ANKS1B: variants seen among roughly 807,000 people sequenced by gnomAD.
The protein encoded by ANKS1B is ankyrin repeat and sterile alpha motif domain containing 1B, also known as ankyrin repeat and sterile alpha motif domain-containing protein 1B.
ANKS1B carries 36 observed loss-of-function variants against 148.3 expected under a neutral mutation model. That is an observed-to-expected ratio of 0.24 (90% CI 0.19 to 0.32). The LOEUF is 0.32. Ranked by LOEUF, ANKS1B falls within the 10% of genes least tolerant of loss-of-function variation. The pLI is 1.00. For synonymous variants in ANKS1B, 542 were observed against 560.8 expected (o/e 0.97, Z 0.47); for missense variants, 1,157 against 1,542.6 (o/e 0.75, Z 4.19).
rs532605694 is a variant in ANKS1B, at chr12:98,751,034, C to T, written c.3747+321G>A. Among the ~76,000 whole-genome samples the T allele has an allele frequency of 6.6e-6, 1 of 152,294 alleles. No homozygotes were observed. The highest frequency in any genetic ancestry group is 2.4e-5 in the African/African-American group (1 of 41,570). On this transcript the variant is annotated intron_variant, in intron 26 of 26. Transcript: ENST00000683438. The surrounding 1 kb of genome is among the most constrained non-coding windows in gnomAD (Gnocchi z 4.3). ...GGATGGCAGCTGAAGCCCCAGGGAA[C>T]ACTGCTCCCAAGCTTTCCTGAATCT... is the stretch of plus-strand genomic sequence containing the variant.
chr12:98,929,095 C>T (rs992894081), intron 17 of ANKS1B, among the ~76,000 whole-genome samples: 1 of 151,584 alleles, frequency 6.6e-6, no homozygotes, highest in East Asian at 1.9e-4. Context: ...TTTCCTGATA[C>T]AAGATCAATA....
At chr12:99,017,584 CGAA>C (rs1216011557) in intron 17 of ANKS1B, among the ~76,000 whole-genome samples, 2 of 152,142 alleles carry the variant, frequency 1.3e-5, no homozygotes, top group Non-Finnish European at 2.9e-5. Flanking sequence ...ACTCAGCATA[CGAA>C]GACTGTTTTC....
chr12:99,601,718 C>A (rs949425620), intron 9 of ANKS1B, among the ~76,000 whole-genome samples: 2 of 151,996 alleles, frequency 1.3e-5, no homozygotes, highest in African/African-American at 2.4e-5. Flanking sequence ...ACCCAAGGGA[C>A]AACTGTCAAT....
At chr12:99,569,907 G>A (rs555778850) in intron 9 of ANKS1B, among the ~76,000 whole-genome samples, 1 of 152,114 alleles carries the variant, frequency 6.6e-6, no homozygotes, top group South Asian at 2.1e-4. Context: ...TAAGCCCTCC[G>A]ATATCCTAGT....
intron 17 of ANKS1B, among the ~76,000 whole-genome samples, chr12:99,023,559 G>A (rs1370125232): frequency 6.6e-6 from 1 of 151,504 alleles, no homozygotes; most frequent in African/African-American, 2.4e-5. Context: ...TATTCTCTTT[G>A]TCTTTGATGT....
rs114931411 is a variant in ANKS1B at position 99,713,535 on chromosome 12, C to A, written c.1129-58325G>T. ...GCAAATTTCCTCGGCTAAATCTCCA[C>A]GCTCATGGCTTAGAAATTCTATTTC... is the stretch of plus-strand genomic sequence containing the variant. On this transcript the variant is annotated intron_variant, in intron 8 of 26. Coordinates refer to ENST00000683438, the MANE Select transcript of ANKS1B (RefSeq NM_001352186.2). Among the ~76,000 whole-genome samples, 695 of 152,278 alleles carry A rather than the reference C, an allele frequency of 4.6e-3. 11 individuals are homozygous for A. The highest frequency in any genetic ancestry group is 0.016 in the African/African-American group (663 of 41,540).
chr12:99,006,142 G>A (rs2099936033), intron 17 of ANKS1B, among the ~76,000 whole-genome samples: 1 of 152,140 alleles, frequency 6.6e-6, no homozygotes, highest in Non-Finnish European at 1.5e-5. Flanking sequence ...AGGCTGCATG[G>A]GGCTGTGGGG....
intron 14 of ANKS1B, among the ~76,000 whole-genome samples, chr12:99,218,451 C>A (rs545515108): frequency 8.9e-4 from 135 of 152,196 alleles, no homozygotes; most frequent in Non-Finnish European, 5.6e-4. Flanking sequence ...CCTCTGCAAT[C>A]TCTGTTTCTG....
At position 98,829,429 on chromosome 12, in the gene ANKS1B, C is replaced by G. The variant is rs1409245475; in HGVS notation, c.2887-76G>C. 1 of 1,460,372 alleles carries G rather than the reference C, an allele frequency of 6.8e-7. No individual in the cohort carries two copies. Among genetic ancestry groups the G allele is most frequent in the Non-Finnish European group, 9.3e-7 (1 of 1,073,574 alleles). 90.5% of individuals were successfully genotyped at this position (1,460,372 alleles called of 1,614,324 possible). On this transcript the variant is annotated intron_variant, in intron 18 of 26. Coordinates refer to ENST00000683438, the MANE Select transcript of ANKS1B (RefSeq NM_001352186.2). The surrounding 1 kb of genome is among the most constrained non-coding windows in gnomAD (Gnocchi z 5.2). The stretch of plus-strand genomic sequence containing the variant: ...TGGTTTCAAAATTGTGAAATACTGA[C>G]AAGACAAACTGTGGGGGTGGGGAGT...
At chr12:99,299,542 T>A (rs2081332986) in intron 12 of ANKS1B, among the ~76,000 whole-genome samples, 1 of 152,200 alleles carries the variant, frequency 6.6e-6, no homozygotes, top group Non-Finnish European at 1.5e-5. Flanking sequence ...ATATAATCAC[T>A]TTTAAATGTT....
intron 17 of ANKS1B, among the ~76,000 whole-genome samples, chr12:99,024,632 A>G (rs530453910): frequency 1.9e-4 from 29 of 152,218 alleles, no homozygotes; most frequent in Admixed American, 5.9e-4. Flanking sequence ...TTTGTATTTT[A>G]TATGTTTTAA....
At chr12:98,973,213 C>CAAA (rs534303391) in intron 17 of ANKS1B, among the ~76,000 whole-genome samples, 1 of 103,026 alleles carries the variant, frequency 9.7e-6, no homozygotes, top group East Asian at 2.4e-4. Context: ...AAACGAAATG[C>CAAA]AAAAAAAAAA....
chr12:98,831,358 C>T (rs548711144), intron 18 of ANKS1B: 1 of 152,174 alleles, frequency 6.6e-6, no homozygotes, highest in Non-Finnish European at 1.5e-5. Flanking sequence ...ACAAATTTTA[C>T]TTCTTGAAAA....
In ANKS1B at chr12:99,400,907, T is replaced by C. The variant is rs761445259; in HGVS notation, c.1576-1096A>G. Among the ~76,000 whole-genome samples the C allele has an allele frequency of 1.4e-5, 2 of 145,492 alleles. 1 individual carries two copies. Among genetic ancestry groups the C allele is most frequent in the Non-Finnish European group, 3.0e-5 (2 of 65,940 alleles). On this transcript the variant is annotated intron_variant, in intron 11 of 26. Transcript: ENST00000683438. ...TATTCAAATTGCTGTCTCTTCCAGCTTATCATTTTCTTCCAAGTAGATATC... is the reference window on the plus strand; with the variant it reads ...TATTCAAATTGCTGTCTCTTCCAGCCTATCATTTTCTTCCAAGTAGATATC...
In ANKS1B at chr12:99,443,720, A is replaced by T; in HGVS notation, c.1528T>A (p.Ser510Thr). ...ATATTTTTGAGGGCAGTATCAGGGG[A>T]TGGAGGTGAACAATCAGGTGTTGGG... ...TGPTPDCSPPSPDTALKNIVK... is the reference protein window; with the variant it reads ...TGPTPDCSPPTPDTALKNIVK... The change falls in exon 11 of 27, where the codon TCC (serine) becomes ACC (threonine). Residue 510 changes from serine to threonine, a missense_variant. Transcript: ENST00000683438. 1 of 1,612,306 alleles carries T rather than the reference A, an allele frequency of 6.2e-7. No individual in the cohort carries two copies. The highest frequency in any genetic ancestry group is 8.5e-7 in the Non-Finnish European group (1 of 1,178,900).
chr12:99,425,512 T>A (rs1312281928), intron 11 of ANKS1B, among the ~76,000 whole-genome samples: 1 of 151,982 alleles, frequency 6.6e-6, no homozygotes, highest in South Asian at 2.1e-4. Context: ...AGAAAATGTA[T>A]AGAAACATTT....
intron 12 of ANKS1B, among the ~76,000 whole-genome samples, chr12:99,398,393 G>A (rs1022415645): frequency 2.6e-5 from 4 of 152,078 alleles, no homozygotes; most frequent in Non-Finnish European, 5.9e-5. Context: ...TGTGAACAAA[G>A]ATTATATGGA....
chr12:99,575,764 C>G (rs1085635), intron 9 of ANKS1B, among the ~76,000 whole-genome samples: 99,754 of 151,784 alleles, frequency 0.66, 33,255 homozygotes, highest in African/African-American at 0.76. Flanking sequence ...GGTGGGGACA[C>G]CCAAACCATA....
intron 4 of ANKS1B, among the ~76,000 whole-genome samples, chr12:99,787,493 G>A (rs1237212717): frequency 1.3e-5 from 2 of 152,104 alleles, no homozygotes; most frequent in Non-Finnish European, 1.5e-5. Flanking sequence ...ATACTAATAG[G>A]AGACTTAATT....
Sources: gnomAD v4.1 joint callset for allele counts (sites outside exome capture counted in the v4.1 genomes callset) on GRCh38, gnomAD v4.1.1 for gene constraint, Gnocchi (gnomAD v3.1) non-coding constraint, MANE v1.5 for transcripts, NCBI Gene and HGNC (gene_info 2026-07-23, HGNC 2026-07-21) for gene names.